The following NRG2 variants were observed in gnomAD, a reference collection of about 807,000 sequenced individuals.
NRG2 encodes pro-neuregulin-2, membrane-bound isoform.
NRG2 carries 27 observed loss-of-function variants against 73.9 expected under a neutral mutation model. The ratio of observed to expected loss-of-function variants is 0.37; its 90% CI spans 0.27 to 0.50. The LOEUF (loss-of-function observed/expected upper bound fraction) is 0.50, where lower values mean the gene tolerates loss of function less well. Ranked by LOEUF, NRG2 falls within the 20% of genes least tolerant of loss-of-function variation. The pLI is 0.96. For missense variants in NRG2, 1,126 were observed against 1,210.1 expected (o/e 0.93, Z 1.03); for synonymous variants, 532 against 541.0 (o/e 0.98, Z 0.23).
At chr5:139,962,106 G>A (rs1755116170) in intron 1 of NRG2, among the ~76,000 whole-genome samples, 1 of 152,086 alleles carries the variant, frequency 6.6e-6, no homozygotes, top group African/African-American at 2.4e-5. Flanking sequence ...CTGGCCCCAG[G>A]AACTAGCCCT....
At chr5:139,976,764 G>A (rs1756411625) in intron 1 of NRG2, among the ~76,000 whole-genome samples, 1 of 152,206 alleles carries the variant, frequency 6.6e-6, no homozygotes, top group South Asian at 2.1e-4. Context: ...AGACCCTAGG[G>A]GTAGGACCAG....
At chr5:139,874,806 A>G (rs562289890) in intron 3 of NRG2, among the ~76,000 whole-genome samples, 1 of 152,218 alleles carries the variant, frequency 6.6e-6, no homozygotes, top group Middle Eastern at 3.4e-3. Context: ...CCTTCAGTAT[A>G]TTTCAGACTA....
chr5:139,974,836 C>T (rs1182758728), intron 1 of NRG2, among the ~76,000 whole-genome samples: 3 of 152,182 alleles, frequency 2.0e-5, no homozygotes, highest in Non-Finnish European at 4.4e-5. Context: ...CTTTAGGGGG[C>T]CTCTGCTTCT....
At chr5:140,019,688 T>A (rs1760070314) in intron 1 of NRG2, 1 of 152,210 alleles carries the variant, frequency 6.6e-6, no homozygotes, top group Admixed American at 6.5e-5. Context: ...AGCCTCAGGT[T>A]CTTAGATGCA....
intron 1 of NRG2, among the ~76,000 whole-genome samples, chr5:140,009,599 C>G (rs1274494988): frequency 6.6e-6 from 1 of 152,172 alleles, no homozygotes; most frequent in Non-Finnish European, 1.5e-5. Context: ...AGTGGCTGTA[C>G]CATTTTGCAT....
chr5:140,039,046 C>A (rs1300505596), intron 1 of NRG2, among the ~76,000 whole-genome samples: 3 of 152,176 alleles, frequency 2.0e-5, no homozygotes, highest in Non-Finnish European at 4.4e-5. Context: ...TAAAACTATC[C>A]TAAAGAATGT....
chr5:139,884,347 C>T (rs1363475946), intron 2 of NRG2, among the ~76,000 whole-genome samples: 2 of 152,134 alleles, frequency 1.3e-5, no homozygotes, highest in Non-Finnish European at 2.9e-5. Context: ...AGGAGGGCTG[C>T]CAGCATAGGG....
At chr5:139,875,301 G>T (rs919352007) in intron 3 of NRG2, among the ~76,000 whole-genome samples, 1 of 152,090 alleles carries the variant, frequency 6.6e-6, no homozygotes, top group Non-Finnish European at 1.5e-5. Flanking sequence ...TTGTGCCACC[G>T]TGCCCAGCCA....
In NRG2 at chr5:139,853,047, G is replaced by A. The variant is rs1176415514; in HGVS notation, c.1293-20C>T. The stretch of plus-strand genomic sequence containing the variant: ...TGTTTTCTGCACAAGGGAAGGGAAG[G>A]TGAGGCTGGCATTCCCCCCACTCGC... On this transcript the variant is annotated intron_variant, in intron 6 of 9. Coordinates refer to ENST00000361474, the MANE Select transcript of NRG2 (RefSeq NM_004883.3). The surrounding 1 kb of genome is among the most constrained non-coding windows in gnomAD (Gnocchi z 4.1). 5 of 1,612,618 alleles carry A rather than the reference G, an allele frequency of 3.1e-6. No individual in the cohort carries two copies. In the East Asian group the frequency reaches 6.7e-5, roughly 22 times the overall value.
intron 1 of NRG2, among the ~76,000 whole-genome samples, chr5:140,024,723 C>T (rs1215320939): frequency 6.6e-6 from 1 of 152,150 alleles, no homozygotes; most frequent in Non-Finnish European, 1.5e-5. Context: ...CCCCTCCCAT[C>T]CAATTATCAC....
intron 1 of NRG2, among the ~76,000 whole-genome samples, chr5:139,925,653 G>C (rs1001851876): frequency 6.6e-6 from 1 of 152,198 alleles, no homozygotes; most frequent in Admixed American, 6.5e-5. Flanking sequence ...TCAGGCTCTT[G>C]AGCCAACTGA....
chr5:140,026,417 T>G (rs1760693743), intron 1 of NRG2, among the ~76,000 whole-genome samples: 1 of 152,108 alleles, frequency 6.6e-6, no homozygotes, highest in African/African-American at 2.4e-5. Flanking sequence ...TTACAGCCGC[T>G]AAGGCAGGCT....
chr5:139,981,160 G>A (rs1238960993), intron 1 of NRG2, among the ~76,000 whole-genome samples: 2 of 152,234 alleles, frequency 1.3e-5, no homozygotes, highest in African/African-American at 4.8e-5. Flanking sequence ...AGGTCAGGCA[G>A]ACGAGAGCTG....
At position 139,915,257 on chromosome 5, in the gene NRG2, C is replaced by T. The variant is rs1751162215; in HGVS notation, c.701-27746G>A. 6.6e-6 allele frequency among the ~76,000 whole-genome samples: 1 copy of T among 152,182 alleles called. No individual in the cohort carries two copies. The highest frequency in any genetic ancestry group is 2.4e-5 in the African/African-American group (1 of 41,442). ...TTTTAAGAGCTTATTACCAAATAGG[C>T]TGTAAATGGCTTTCCAGCCTTCTCT... On this transcript the variant is annotated intron_variant, in intron 1 of 9. Coordinates refer to ENST00000361474, the MANE Select transcript of NRG2 (RefSeq NM_004883.3). This position sits in a 1 kb window ranked among gnomAD's most constrained non-coding sequence, Gnocchi z 4.0.
intron 1 of NRG2, among the ~76,000 whole-genome samples, chr5:139,970,947 CT>C (rs912465970): frequency 2.0e-5 from 3 of 149,946 alleles, no homozygotes; most frequent in East Asian, 1.9e-4. Context: ...ACCAGTTTTT[CT>C]TTTTTTTTTA....
chr5:139,930,516 T>A (rs1028352788), intron 1 of NRG2, among the ~76,000 whole-genome samples: 7 of 152,248 alleles, frequency 4.6e-5, no homozygotes, highest in Admixed American at 2.0e-4. Context: ...GTTCAAACTT[T>A]CGGGAAGGTT....
At chr5:139,978,903 C>T (rs900320910) in intron 1 of NRG2, among the ~76,000 whole-genome samples, 2 of 151,702 alleles carry the variant, frequency 1.3e-5, no homozygotes. Flanking sequence ...TACTATGCAG[C>T]CATAAAAAAT....
intron 1 of NRG2, among the ~76,000 whole-genome samples, chr5:139,893,548 C>T (rs924263786): frequency 3.3e-5 from 5 of 152,206 alleles, no homozygotes; most frequent in African/African-American, 1.2e-4. Flanking sequence ...GCTCCTTCCC[C>T]AGAGACGAAA....
intron 1 of NRG2, among the ~76,000 whole-genome samples, chr5:139,937,857 A>C (rs1424616184): frequency 2.0e-5 from 3 of 152,230 alleles, no homozygotes; most frequent in Non-Finnish European, 2.9e-5. Flanking sequence ...GTGAACACAC[A>C]GAATATATTT....
Sources: gnomAD v4.1 joint callset for allele counts (sites outside exome capture counted in the v4.1 genomes callset) on GRCh38, gnomAD v4.1.1 for gene constraint, Gnocchi (gnomAD v3.1) non-coding constraint, MANE v1.5 for transcripts, NCBI Gene and HGNC (gene_info 2026-07-23, HGNC 2026-07-21) for gene names.